The following ALPK2 variants were observed in gnomAD, a reference collection of about 807,000 sequenced individuals.
ALPK2 encodes alpha kinase 2, also known as alpha-protein kinase 2.
A neutral mutation model predicts 163.1 loss-of-function variants in ALPK2; 127 were observed. The ratio of observed to expected loss-of-function variants is 0.78; its 90% CI spans 0.67 to 0.90. The LOEUF (loss-of-function observed/expected upper bound fraction) is 0.90, where lower values mean the gene tolerates loss of function less well. Among genes scored for constraint, ALPK2 ranks in the 40% least tolerant of loss-of-function variants. ALPK2 has a pLI of 0.00. For synonymous variants in ALPK2, 953 were observed against 959.1 expected (o/e 0.99, Z 0.12); for missense variants, 2,360 against 2,589.6 (o/e 0.91, Z 1.92).
At chr18:58,527,612 G>A (rs1249648418) in intron 6 of ALPK2, among the ~76,000 whole-genome samples, 1 of 152,108 alleles carries the variant, frequency 6.6e-6, no homozygotes, top group Non-Finnish European at 1.5e-5. Flanking sequence ...TGAAAATACT[G>A]GTTAATTGCT....
chr18:58,582,764 T>A (rs2051965819), intron 3 of ALPK2, among the ~76,000 whole-genome samples: 1 of 151,988 alleles, frequency 6.6e-6, no homozygotes, highest in Non-Finnish European at 1.5e-5. Flanking sequence ...GTACGTTGAT[T>A]CAGCCCAGAA....
chr18:58,532,199 G>A (rs910008898), intron 5 of ALPK2, among the ~76,000 whole-genome samples: 3 of 152,170 alleles, frequency 2.0e-5, no homozygotes, highest in African/African-American at 7.2e-5. Flanking sequence ...TTTCCCATCA[G>A]TCGATGGCCC....
At position 58,534,835 on chromosome 18, in the gene ALPK2, T is replaced by A. The variant is rs2051634397; in HGVS notation, c.5352A>T (p.Arg1784Ser). ...PKKPSCKREG[R>S]APVLLKKIQA... ...TGATGGACAGCAACAGAACCTCACC[T>A]CTTCCTTCTCTTTTGCAAGATGGCT... The change falls in exon 5 of 13, where the codon AGA becomes AGT. Residue 1784 changes from arginine to serine, a missense_variant and splice_region_variant. Coordinates refer to ENST00000361673, the MANE Select transcript of ALPK2 (RefSeq NM_052947.4). The A allele has an allele frequency of 6.2e-7, 1 of 1,605,644 alleles. No homozygotes were observed. Among genetic ancestry groups the A allele is most frequent in the African/African-American group, 1.3e-5 (1 of 74,272 alleles).
intron 12 of ALPK2, among the ~76,000 whole-genome samples, chr18:58,484,206 T>C (rs1362312685): frequency 6.6e-6 from 1 of 152,188 alleles, no homozygotes; most frequent in Non-Finnish European, 1.5e-5. Context: ...TGTGTTGACC[T>C]GTATCAGTGC....
rs199588813 is a variant in ALPK2, at chr18:58,537,603, C to T, written c.2584G>A (p.Val862Ile). 5 of 1,613,732 alleles carry T rather than the reference C, an allele frequency of 3.1e-6. No homozygotes were observed. Among genetic ancestry groups the T allele is most frequent in the Non-Finnish European group, 4.2e-6 (5 of 1,179,666 alleles). ...LCSSNDKTLE[V>I]FFQTQVSETS... is the part of the protein sequence containing the mutation. ...TCAGACACTTGTGTCTGAAAAAAGA[C>T]TTCCAGTGTCTTGTCATTAGAAGAA... Residue 862 changes from valine (V) to isoleucine (I), a missense_variant, in exon 5 of 13, where the codon GTC becomes ATC. By Grantham distance (29) the Val-to-Ile change is conservative. Coordinates refer to ENST00000361673, the MANE Select transcript of ALPK2 (RefSeq NM_052947.4).
chr18:58,590,390 A>G (rs2052008702), intron 3 of ALPK2, among the ~76,000 whole-genome samples: 1 of 152,102 alleles, frequency 6.6e-6, no homozygotes, highest in Non-Finnish European at 1.5e-5. Flanking sequence ...TCAGCCAGGA[A>G]TGCAGGGGGA....
intron 8 of ALPK2, among the ~76,000 whole-genome samples, chr18:58,523,473 C>A (rs1342281818): frequency 1.3e-5 from 2 of 152,126 alleles, no homozygotes; most frequent in African/African-American, 4.8e-5. Flanking sequence ...AGTTCTAGAT[C>A]CCTGAGGAAT....
chr18:58,593,670 G>T (rs2052027120), intron 3 of ALPK2, among the ~76,000 whole-genome samples: 1 of 150,614 alleles, frequency 6.6e-6, no homozygotes, highest in South Asian at 2.1e-4. Context: ...CTGAGGTCAA[G>T]AGTTTAACAC....
rs1417655367 is a variant in ALPK2 at position 58,601,076 on chromosome 18, T to A, written c.227+6246A>T. On this transcript the variant is annotated intron_variant, in intron 3 of 12. Transcript: ENST00000361673. ...TTCGAGACCAGCCTGGCCAACATGG[T>A]GAAACCCCATCTCTACTAAAAATAC... Among the ~76,000 whole-genome samples, 3 of 152,114 alleles carry A rather than the reference T, an allele frequency of 2.0e-5. No individual in the cohort carries two copies. The East Asian group carries it at 5.8e-4, about 29-fold the overall frequency.
intron 8 of ALPK2, among the ~76,000 whole-genome samples, chr18:58,518,325 G>A (rs2051533164): frequency 6.6e-6 from 1 of 152,174 alleles, no homozygotes. Context: ...TATTGATTAA[G>A]GTCTCGGCCT....
chr18:58,552,566 A>G (rs1313633886), intron 4 of ALPK2, among the ~76,000 whole-genome samples: 2 of 152,264 alleles, frequency 1.3e-5, no homozygotes, highest in African/African-American at 2.4e-5. Flanking sequence ...TGATGCATGT[A>G]CATTCATTAA....
At chr18:58,568,904 C>T (rs542452831) in intron 4 of ALPK2, among the ~76,000 whole-genome samples, 37 of 152,138 alleles carry the variant, frequency 2.4e-4, no homozygotes, top group African/African-American at 7.7e-4. Flanking sequence ...CTACAGATAC[C>T]AAGAGACAAG....
chr18:58,561,648 G>A lies in ALPK2; in HGVS notation c.1962+17166C>T, dbSNP rs145990039. Among the ~76,000 whole-genome samples, 450 of 152,328 alleles carry A rather than the reference G, an allele frequency of 3.0e-3. 3 individuals are homozygous for A. The highest frequency in any genetic ancestry group is 7.9e-3 in the African/African-American group (328 of 41,570). Reference sequence around the variant, plus strand: ...GGACAACAGGGGCCTGATCACTGGGGATCCTCTAAAGAATCGTGTGATGAA... The same window carrying A: ...GGACAACAGGGGCCTGATCACTGGGAATCCTCTAAAGAATCGTGTGATGAA... On this transcript the variant is annotated intron_variant, in intron 4 of 12. Transcript: ENST00000361673.
chr18:58,485,787 G>GA (rs1291143618), intron 12 of ALPK2, among the ~76,000 whole-genome samples: 1 of 82,300 alleles, frequency 1.2e-5, no homozygotes, highest in African/African-American at 4.4e-5. Context: ...ACCTGCCACT[G>GA]GGGGGGGACC....
At chr18:58,497,578 A>G (rs932515597) in intron 12 of ALPK2, among the ~76,000 whole-genome samples, 10 of 152,236 alleles carry the variant, frequency 6.6e-5, no homozygotes, top group Non-Finnish European at 1.3e-4. Context: ...ATTGCCTCCT[A>G]TGATTATCAT....
chr18:58,552,056 T>C (rs1260571560), intron 4 of ALPK2, among the ~76,000 whole-genome samples: 1 of 152,088 alleles, frequency 6.6e-6, no homozygotes, highest in African/African-American at 2.4e-5. Flanking sequence ...AGTTTGATGG[T>C]AAATGTGAAA....
chr18:58,603,379 G>C (rs1050956781), intron 3 of ALPK2, among the ~76,000 whole-genome samples: 11 of 152,214 alleles, frequency 7.2e-5, no homozygotes, highest in Non-Finnish European at 1.3e-4. Flanking sequence ...TGGTGACTGT[G>C]CCGTTCTCCT....
chr18:58,521,816 C>A (rs960259922), intron 8 of ALPK2, among the ~76,000 whole-genome samples: 1 of 151,432 alleles, frequency 6.6e-6, no homozygotes, highest in Non-Finnish European at 1.5e-5. Flanking sequence ...TTAGTAGAGA[C>A]GGGGTTTCAC....
At chr18:58,522,773 CT>C (rs955967394) in intron 8 of ALPK2, among the ~76,000 whole-genome samples, 13 of 152,170 alleles carry the variant, frequency 8.5e-5, no homozygotes, top group African/African-American at 3.1e-4. Flanking sequence ...CAAACTCCCC[CT>C]CTACGTGTTC....
Sources: gnomAD v4.1 joint callset for allele counts (sites outside exome capture counted in the v4.1 genomes callset) on GRCh38, gnomAD v4.1.1 for gene constraint, MANE v1.5 for transcripts, NCBI Gene and HGNC (gene_info 2026-07-23, HGNC 2026-07-21) for gene names.